Variants in ZNF385D observed in about 807,000 individuals in gnomAD.
ZNF385D encodes the protein zinc finger protein 659.
In ZNF385D, 15 loss-of-function variants were observed where a neutral mutation model predicts 35.8. That is an observed-to-expected ratio of 0.42 (90% CI 0.28 to 0.64). The LOEUF is 0.64. Ranked by LOEUF, ZNF385D falls within the 30% of genes least tolerant of loss-of-function variation. The probability of loss-of-function intolerance (pLI) is 0.23; values close to 1 mark genes in which losing one functional copy is unlikely to be tolerated. For synonymous variants in ZNF385D, 212 were observed against 186.8 expected, an observed-to-expected ratio of 1.13 and a Z score of -1.10; for missense variants, 474 against 494.6, an observed-to-expected ratio of 0.96 and a Z score of 0.39.
intron 3 of ZNF385D, among the ~76,000 whole-genome samples, chr3:21,766,928 C>A (rs1203316131): frequency 6.6e-6 from 1 of 152,090 alleles, no homozygotes; most frequent in Non-Finnish European, 1.5e-5. Flanking sequence ...AATATAAAAT[C>A]TTACCTAATC....
chr3:21,679,906 T>C (rs2066847169), intron 1 of ZNF385D, among the ~76,000 whole-genome samples: 1 of 152,108 alleles, frequency 6.6e-6, no homozygotes, highest in Non-Finnish European at 1.5e-5. Flanking sequence ...TAGAAGTATA[T>C]GTCTTTTAAA....
In ZNF385D at chr3:22,240,262, A is replaced by C. The variant is rs1326648446; in HGVS notation, c.107-71227T>G. Among the ~76,000 whole-genome samples, 4 of 150,244 alleles carry C rather than the reference A, an allele frequency of 2.7e-5. 1 individual carries two copies. The highest frequency in any genetic ancestry group is 9.9e-5 in the African/African-American group (4 of 40,462). On this transcript the variant is annotated intron_variant, in intron 2 of 5. Coordinates refer to the ZNF385D transcript ENST00000494108. ...CATCATTAGAAATTTTCTGGCTTGC[A>C]ATGCAGTTTCTACCTGCTGTGCTTT...
At chr3:22,045,666 T>C (rs1183599780) in intron 3 of ZNF385D, among the ~76,000 whole-genome samples, 1 of 152,192 alleles carries the variant, frequency 6.6e-6, no homozygotes, top group Non-Finnish European at 1.5e-5. Flanking sequence ...ATTTTAAAAA[T>C]AATTTTATGT....
chr3:22,161,412 T>C (rs1268035863), intron 3 of ZNF385D, among the ~76,000 whole-genome samples: 1 of 152,048 alleles, frequency 6.6e-6, no homozygotes, highest in Non-Finnish European at 1.5e-5. Flanking sequence ...AGCAGAAAAA[T>C]AATCTTTATT....
chr3:21,765,042 A>T (rs2070767794), intron 3 of ZNF385D, among the ~76,000 whole-genome samples: 2 of 152,270 alleles, frequency 1.3e-5, no homozygotes, highest in African/African-American at 4.8e-5. Flanking sequence ...GGATATCTGC[A>T]GTGGCCAGAA....
At chr3:22,135,203 T>C (rs888221680) in intron 3 of ZNF385D, among the ~76,000 whole-genome samples, 4 of 152,070 alleles carry the variant, frequency 2.6e-5, no homozygotes, top group Non-Finnish European at 5.9e-5. Context: ...TCCTTATTTA[T>C]AGACATATTG....
At chr3:22,263,989 C>A (rs1431671124) in intron 2 of ZNF385D, among the ~76,000 whole-genome samples, 1 of 151,914 alleles carries the variant, frequency 6.6e-6, no homozygotes, top group Non-Finnish European at 1.5e-5. Context: ...CACTTTCTTT[C>A]CCTGCTTATT....
chr3:21,896,697 AGAC>A (rs1699155775), intron 3 of ZNF385D, among the ~76,000 whole-genome samples: 2 of 152,178 alleles, frequency 1.3e-5, no homozygotes, highest in East Asian at 3.9e-4. Context: ...TGGATATGAG[AGAC>A]GCAGTAGTTC....
At chr3:22,361,736 G>C (rs904048048) in intron 2 of ZNF385D, among the ~76,000 whole-genome samples, 1 of 151,924 alleles carries the variant, frequency 6.6e-6, no homozygotes, top group Non-Finnish European at 1.5e-5. Context: ...CAGGCTTTGA[G>C]TCAAAAATAG....
chr3:21,452,418 C>A (rs554756259), intron 4 of ZNF385D, among the ~76,000 whole-genome samples: 1 of 151,968 alleles, frequency 6.6e-6, no homozygotes, highest in Admixed American at 6.6e-5. Flanking sequence ...AAAGTTCTAG[C>A]CAGAACTATT....
intron 2 of ZNF385D, among the ~76,000 whole-genome samples, chr3:22,228,316 T>A (rs1038501571): frequency 1.3e-5 from 2 of 152,102 alleles, no homozygotes; most frequent in Non-Finnish European, 2.9e-5. Flanking sequence ...ACTGCCACCT[T>A]ATGTGGGACT....
chr3:21,955,108 A>C (rs1702226773), intron 3 of ZNF385D, among the ~76,000 whole-genome samples: 1 of 152,180 alleles, frequency 6.6e-6, no homozygotes, highest in South Asian at 2.1e-4. Flanking sequence ...CATTGTGAAA[A>C]GGTATGACAA....
At chr3:21,569,510 T>G (rs2063259935) in intron 2 of ZNF385D, among the ~76,000 whole-genome samples, 1 of 151,090 alleles carries the variant, frequency 6.6e-6, no homozygotes, top group Non-Finnish European at 1.5e-5. Flanking sequence ...TCTTGACTCT[T>G]TATCCAATTT....
intron 2 of ZNF385D, among the ~76,000 whole-genome samples, chr3:22,290,268 G>A (rs1382521367): frequency 6.6e-6 from 1 of 152,092 alleles, no homozygotes; most frequent in African/African-American, 2.4e-5. Flanking sequence ...ATGTGCCTCA[G>A]CTTTACTAAC....
At chr3:21,561,103 A>T (rs1427887995) in intron 3 of ZNF385D, among the ~76,000 whole-genome samples, 1 of 152,156 alleles carries the variant, frequency 6.6e-6, no homozygotes, top group East Asian at 1.9e-4. Flanking sequence ...GGGACCCCCG[A>T]GCCAGACCAC....
intron 3 of ZNF385D, among the ~76,000 whole-genome samples, chr3:21,996,155 C>G (rs1475526833): frequency 6.6e-6 from 1 of 152,036 alleles, no homozygotes; most frequent in Non-Finnish European, 1.5e-5. Flanking sequence ...TGTATGGGAC[C>G]CAGCACAAAC....
chr3:21,728,672 A>C (rs1035641885), intron 1 of ZNF385D, among the ~76,000 whole-genome samples: 2 of 152,136 alleles, frequency 1.3e-5, no homozygotes, highest in Non-Finnish European at 2.9e-5. Flanking sequence ...TTTACAGGTG[A>C]GAAAGTGTGG....
chr3:21,790,168 G>A (rs921298076), intron 3 of ZNF385D, among the ~76,000 whole-genome samples: 3 of 152,034 alleles, frequency 2.0e-5, no homozygotes, highest in Non-Finnish European at 4.4e-5. Flanking sequence ...GGCCTCTGAG[G>A]AAGAAGTCTC....
chr3:22,353,500 A>G (rs1696010949), intron 2 of ZNF385D, among the ~76,000 whole-genome samples: 2 of 152,182 alleles, frequency 1.3e-5, no homozygotes, highest in African/African-American at 2.4e-5. Flanking sequence ...ATGTCCTGAT[A>G]TAATTGCTTG....
Sources: allele counts gnomAD v4.1 joint callset (sites outside exome capture counted in the v4.1 genomes callset), GRCh38; gene constraint gnomAD v4.1.1; transcripts MANE v1.5; gene names NCBI Gene and HGNC (gene_info 2026-07-23, HGNC 2026-07-21).